NR3C2: variants seen among roughly 807,000 people sequenced by gnomAD.
NR3C2 encodes mineralocorticoid receptor.
NR3C2 carries 15 observed loss-of-function variants against 86.4 expected under a neutral mutation model. The observed-to-expected ratio is 0.17, with a 90% confidence interval of 0.12 to 0.27. The LOEUF is 0.27. Ranked by LOEUF, NR3C2 falls within the 10% of genes least tolerant of loss-of-function variation. NR3C2 has a pLI of 1.00. For synonymous variants in NR3C2, 458 were observed against 450.5 expected, an observed-to-expected ratio of 1.02 and a Z score of -0.21; for missense variants, 960 against 1,195.6, an observed-to-expected ratio of 0.80 and a Z score of 2.91.
intron 2 of NR3C2, among the ~76,000 whole-genome samples, chr4:148,312,912 C>T (rs61761511): frequency 5.3e-5 from 8 of 152,058 alleles, no homozygotes; most frequent in Non-Finnish European, 8.8e-5. Context: ...CAAAGAAAAA[C>T]GCTTTTTACT....
intron 2 of NR3C2, among the ~76,000 whole-genome samples, chr4:148,429,765 TAATA>T (rs1416711497): frequency 6.6e-6 from 1 of 152,206 alleles, no homozygotes; most frequent in Non-Finnish European, 1.5e-5. Flanking sequence ...CGGTTTTCAT[TAATA>T]AATGTTGGAA....
chr4:148,148,876 G>T (rs1359464436), intron 6 of NR3C2, among the ~76,000 whole-genome samples: 1 of 151,988 alleles, frequency 6.6e-6, no homozygotes, highest in African/African-American at 2.4e-5. Flanking sequence ...TAAAACTACT[G>T]CTTAGAATAC....
At chr4:148,381,982 T>C (rs1747016226) in intron 2 of NR3C2, among the ~76,000 whole-genome samples, 1 of 152,200 alleles carries the variant, frequency 6.6e-6, no homozygotes, top group Non-Finnish European at 1.5e-5. Context: ...AAATCTCCTA[T>C]TTTATATAAA....
At chr4:148,366,999 C>CTA (rs1172615294) in intron 2 of NR3C2, among the ~76,000 whole-genome samples, 16 of 152,128 alleles carry the variant, frequency 1.1e-4, no homozygotes, top group African/African-American at 3.4e-4. Flanking sequence ...AGCCTGTATA[C>CTA]TATTTTAATA....
intron 2 of NR3C2, among the ~76,000 whole-genome samples, chr4:148,262,522 C>G (rs1474073458): frequency 6.6e-6 from 1 of 152,134 alleles, no homozygotes; most frequent in Non-Finnish European, 1.5e-5. Context: ...CAAACGTGTT[C>G]ATTTCACAGA....
intron 8 of NR3C2, among the ~76,000 whole-genome samples, chr4:148,105,683 T>C (rs1390279573): frequency 1.3e-5 from 2 of 152,144 alleles, no homozygotes; most frequent in African/African-American, 2.4e-5. Flanking sequence ...TCCACCACGA[T>C]CAAGTTGGCT....
intron 2 of NR3C2, among the ~76,000 whole-genome samples, chr4:148,264,090 G>C (rs1445767967): frequency 2.0e-5 from 3 of 152,148 alleles, no homozygotes; most frequent in Non-Finnish European, 4.4e-5. Context: ...ATGAGGCCAA[G>C]GTTATCAGTT....
At chr4:148,399,122 C>G (rs182152212) in intron 2 of NR3C2, among the ~76,000 whole-genome samples, 3 of 152,322 alleles carry the variant, frequency 2.0e-5, no homozygotes, top group Admixed American at 6.5e-5. Flanking sequence ...TTCAGCCATC[C>G]ATTTAGCATT....
At chr4:148,197,454 G>A (rs777464352) in intron 3 of NR3C2, among the ~76,000 whole-genome samples, 1 of 152,144 alleles carries the variant, frequency 6.6e-6, no homozygotes, top group African/African-American at 2.4e-5. Context: ...ATTTGCATAA[G>A]GGTTGGTCTG....
rs1390290766 is a variant in NR3C2 at position 148,181,040 on chromosome 4, C to G, written c.2014+13706G>C. Among the ~76,000 whole-genome samples, 3 of 152,060 alleles carry G rather than the reference C, an allele frequency of 2.0e-5. No individual in the cohort carries two copies. The East Asian group carries it at 5.8e-4, about 29-fold the overall frequency. On this transcript the variant is annotated intron_variant, in intron 4 of 8. Coordinates refer to ENST00000358102, the MANE Select transcript of NR3C2 (RefSeq NM_000901.5). Reference sequence around the variant, plus strand: ...CGCTTTTCCTGTGACGTGTCCCACTCTAGGAGGGAAAGGGGGAACGTGATA... The same window carrying G: ...CGCTTTTCCTGTGACGTGTCCCACTGTAGGAGGGAAAGGGGGAACGTGATA...
At chr4:148,091,529 T>G (rs976817754) in intron 8 of NR3C2, among the ~76,000 whole-genome samples, 28 of 152,180 alleles carry the variant, frequency 1.8e-4, no homozygotes, top group Admixed American at 1.8e-3. Flanking sequence ...CTGGGTGAGA[T>G]TCACATATCA....
chr4:148,432,943 A>G (rs1264363345), intron 2 of NR3C2, among the ~76,000 whole-genome samples: 2 of 152,168 alleles, frequency 1.3e-5, no homozygotes, highest in Admixed American at 1.3e-4. Flanking sequence ...TTAAAGCTTT[A>G]AAGTTTTTAG....
intron 2 of NR3C2, among the ~76,000 whole-genome samples, chr4:148,261,286 C>T (rs1240987025): frequency 1.7e-5 from 2 of 116,256 alleles, no homozygotes; most frequent in Non-Finnish European, 3.7e-5. Context: ...ATGGTAAGCG[C>T]TATGGTAAGT....
intron 2 of NR3C2, among the ~76,000 whole-genome samples, chr4:148,427,852 T>C (rs1253649835): frequency 2.0e-5 from 3 of 152,144 alleles, no homozygotes; most frequent in Admixed American, 2.0e-4. Flanking sequence ...GGGCTTCCAT[T>C]GGCTTAATCA....
At chr4:148,207,827 A>G (rs1047378051) in intron 3 of NR3C2, among the ~76,000 whole-genome samples, 2 of 152,194 alleles carry the variant, frequency 1.3e-5, no homozygotes, top group Admixed American at 6.5e-5. Context: ...GTGTTTTCCT[A>G]TACACACACA....
At chr4:148,312,096 A>G (rs946165659) in intron 2 of NR3C2, among the ~76,000 whole-genome samples, 1 of 151,964 alleles carries the variant, frequency 6.6e-6, no homozygotes, top group Non-Finnish European at 1.5e-5. Flanking sequence ...TTTATTGTGT[A>G]GTGGTGTACT....
chr4:148,122,826 T>C (rs774473303), intron 6 of NR3C2, among the ~76,000 whole-genome samples: 141 of 152,206 alleles, frequency 9.3e-4, no homozygotes, highest in African/African-American at 1.3e-3. Context: ...CTCAGGACCA[T>C]GGTGAAAATT....
At chr4:148,190,680 G>T (rs1736154174) in intron 4 of NR3C2, among the ~76,000 whole-genome samples, 1 of 152,128 alleles carries the variant, frequency 6.6e-6, no homozygotes, top group Non-Finnish European at 1.5e-5. Flanking sequence ...CATTTCTTAG[G>T]TCTATTAGTA....
chr4:148,142,357 C>A (rs1015868568), intron 6 of NR3C2, among the ~76,000 whole-genome samples: 1 of 152,058 alleles, frequency 6.6e-6, no homozygotes, highest in African/African-American at 2.4e-5. Context: ...CCAGACCTGA[C>A]GGACAGCTCT....
Sources: gnomAD v4.1 joint callset for allele counts (sites outside exome capture counted in the v4.1 genomes callset) on GRCh38, gnomAD v4.1.1 for gene constraint, MANE v1.5 for transcripts, NCBI Gene and HGNC (gene_info 2026-07-23, HGNC 2026-07-21) for gene names.